APLP2: variants seen among roughly 807,000 people sequenced by gnomAD.
APLP2 encodes CDEI box-binding protein.
A neutral mutation model predicts 89.9 loss-of-function variants in APLP2; 53 were observed. The ratio of observed to expected loss-of-function variants is 0.59; its 90% CI spans 0.47 to 0.74. The LOEUF is 0.74. APLP2 is among the 30% of genes least tolerant of loss of function. The pLI, the probability that APLP2 is intolerant of heterozygous loss-of-function variation, is 0.00. For synonymous variants in APLP2, 372 were observed against 348.6 expected (o/e 1.07, Z -0.75); for missense variants, 973 against 975.9 (o/e 1.00, Z 0.04).
At chr11:130,090,510 T>G (rs397843840) in intron 1 of APLP2, among the ~76,000 whole-genome samples, 1 of 151,382 alleles carries the variant, frequency 6.6e-6, no homozygotes, top group Non-Finnish European at 1.5e-5. Context: ...CAAAGCACAT[T>G]TTGCACCGCC....
rs79041470 is a variant in APLP2 at position 130,143,544 on chromosome 11, G to T, written c.*96G>T. ...TGCCAAGCAGCAGCCGCTGCCAGGGGCTGCGTCTGACATCCTGACCTCCTG... is the reference window on the plus strand; with the variant it reads ...TGCCAAGCAGCAGCCGCTGCCAGGGTCTGCGTCTGACATCCTGACCTCCTG... On this transcript the variant is annotated 3_prime_UTR_variant, in exon 17 of 17. Coordinates refer to ENST00000338167, the MANE Select transcript of APLP2 (RefSeq NM_001142276.2). 4.7e-4 allele frequency: 490 copies of T among 1,039,606 alleles called. 5 individuals are homozygous for T. In the East Asian group the frequency reaches 0.011, roughly 24 times the overall value. 64.4% of individuals were successfully genotyped at this position (1,039,606 alleles called of 1,614,324 possible). A position where few individuals can be genotyped will look rare whatever the true frequency, so the allele number is the denominator to read the frequency against.
intron 3 of APLP2, among the ~76,000 whole-genome samples, chr11:130,116,863 C>CT (rs992575396): frequency 7.9e-5 from 12 of 152,040 alleles, no homozygotes; most frequent in Admixed American, 7.2e-4. Context: ...GGCCTGGTGG[C>CT]TTATGCCTGT....
In APLP2 at chr11:130,070,019, G is replaced by C. The variant is rs1249842205; in HGVS notation, c.42G>C (p.Arg14Ser). Residue 14 changes from arginine (R) to serine (S), a missense_variant, in exon 1 of 17, where the codon AGG (arginine) becomes AGC (serine). Coordinates refer to ENST00000338167, the MANE Select transcript of APLP2 (RefSeq NM_001142276.2). ...CCGCGGCCGCCGCAGCCACGGGCAG[G>C]CTCCTGCTTCTGCTGCTGGTGGGGC... ...TGTAAAAATG[R>S]LLLLLLVGLT... is the part of the protein sequence containing the mutation. The C allele has an allele frequency of 1.4e-5, 21 of 1,510,830 alleles. No homozygotes were observed. In the South Asian group the frequency reaches 2.4e-4, roughly 17 times the overall value. 93.6% of individuals were successfully genotyped at this position (1,510,830 alleles called of 1,614,324 possible). A position where few individuals can be genotyped will look rare whatever the true frequency, so the allele number is the denominator to read the frequency against.
At chr11:130,101,648 A>G (rs1946947898) in intron 1 of APLP2, 1 of 172,340 alleles carries the variant, frequency 5.8e-6, no homozygotes, top group Admixed American at 6.2e-5. Flanking sequence ...AGCAGAATTC[A>G]AAAACACTGT....
At chr11:130,132,299 T>A (rs904530652) in intron 11 of APLP2, among the ~76,000 whole-genome samples, 3 of 152,244 alleles carry the variant, frequency 2.0e-5, no homozygotes, top group Admixed American at 1.3e-4. Flanking sequence ...ATTGCTTTCA[T>A]CCTTGCTTTG....
intron 1 of APLP2, among the ~76,000 whole-genome samples, chr11:130,079,228 A>G (rs1033771418): frequency 1.3e-5 from 2 of 151,996 alleles, no homozygotes; most frequent in African/African-American, 4.8e-5. Flanking sequence ...CCTTCTGAGT[A>G]GCTGGGATTA....
intron 1 of APLP2, chr11:130,108,746 C>G (rs1026909816): frequency 2.6e-5 from 4 of 152,224 alleles, no homozygotes; most frequent in African/African-American, 9.6e-5. Flanking sequence ...GCTATAAAGA[C>G]ACATGCACAC....
At chr11:130,072,490 T>G (rs1941301671) in intron 1 of APLP2, among the ~76,000 whole-genome samples, 1 of 119,730 alleles carries the variant, frequency 8.4e-6, no homozygotes, top group African/African-American at 3.7e-5. Flanking sequence ...TTTTTTTTTT[T>G]TTTTGATACG....
At chr11:130,118,983 T>C (rs1184307012) in intron 3 of APLP2, among the ~76,000 whole-genome samples, 2 of 152,180 alleles carry the variant, frequency 1.3e-5, no homozygotes, top group Non-Finnish European at 2.9e-5. Context: ...TTCCCCTACT[T>C]ACACATCAGC....
At chr11:130,114,428 C>T (rs993861194) in intron 3 of APLP2, 2 of 152,216 alleles carry the variant, frequency 1.3e-5, no homozygotes, top group Non-Finnish European at 2.9e-5. Flanking sequence ...AGGGTTCTCA[C>T]TGCATCATAG....
chr11:130,082,652 A>G, intron 1 of APLP2: 1 of 170,726 alleles, frequency 5.9e-6, no homozygotes, highest in Non-Finnish European at 1.3e-5. Flanking sequence ...ACCTCATAAG[A>G]ACTCCTGGTC....
chr11:130,142,156 T>C, intron 16 of APLP2, 82 bp downstream of exon 16: 1 of 1,408,092 alleles, frequency 7.1e-7, no homozygotes, highest in Non-Finnish European at 9.5e-7. Flanking sequence ...ATAGGCATCT[T>C]CACTCCTCGA....
intron 1 of APLP2, among the ~76,000 whole-genome samples, chr11:130,088,389 C>A (rs982439351): frequency 6.6e-6 from 1 of 152,142 alleles, no homozygotes; most frequent in East Asian, 1.9e-4. Context: ...AAGAGTCTAT[C>A]TTTGGGAAAA....
chr11:130,136,837 C>T (rs976378166), intron 13 of APLP2, among the ~76,000 whole-genome samples: 1 of 152,164 alleles, frequency 6.6e-6, no homozygotes, highest in Non-Finnish European at 1.5e-5. Flanking sequence ...GGTGGCCATG[C>T]TTGGACAACT....
At chr11:130,105,461 G>A (rs1238431701) in intron 1 of APLP2, among the ~76,000 whole-genome samples, 3 of 151,956 alleles carry the variant, frequency 2.0e-5, no homozygotes, top group Non-Finnish European at 4.4e-5. Flanking sequence ...CTTGTTAGTA[G>A]GAAAACCATG....
At chr11:130,096,593 C>A (rs1040848401) in intron 1 of APLP2, among the ~76,000 whole-genome samples, 1 of 152,136 alleles carries the variant, frequency 6.6e-6, no homozygotes, top group Non-Finnish European at 1.5e-5. Context: ...TGCTGCACGT[C>A]TGTGGTCTCA....
At chr11:130,095,755 T>A (rs1946112491) in intron 1 of APLP2, among the ~76,000 whole-genome samples, 1 of 152,242 alleles carries the variant, frequency 6.6e-6, no homozygotes, top group Non-Finnish European at 1.5e-5. Context: ...TTAGTAGGTC[T>A]CCTTGTATGG....
In APLP2 at chr11:130,089,324, A is replaced by G. The variant is rs73041242; in HGVS notation, c.105+19242A>G. Among the ~76,000 whole-genome samples, 473 of 152,226 alleles carry G rather than the reference A, an allele frequency of 3.1e-3. 2 individuals are homozygous for G. Among genetic ancestry groups the G allele is most frequent in the Admixed American group, 6.7e-3 (102 of 15,290 alleles). ...CTTCCAAAGTATGCATAGCAGGGTCATGCACACGCTGGAAGGGAGCCCAAG... is the reference window on the plus strand; with the variant it reads ...CTTCCAAAGTATGCATAGCAGGGTCGTGCACACGCTGGAAGGGAGCCCAAG... On this transcript the variant is annotated intron_variant, in intron 1 of 16. Transcript: ENST00000338167.
chr11:130,119,134 C>T (rs928452896), intron 3 of APLP2, among the ~76,000 whole-genome samples: 1 of 152,108 alleles, frequency 6.6e-6, no homozygotes, highest in Non-Finnish European at 1.5e-5. Context: ...CTAGCTGGGC[C>T]CTAAGCCCTT....
Sources: allele counts gnomAD v4.1 joint callset (sites outside exome capture counted in the v4.1 genomes callset), GRCh38; gene constraint gnomAD v4.1.1; transcripts MANE v1.5; gene names NCBI Gene and HGNC (gene_info 2026-07-23, HGNC 2026-07-21).